Variants in DLG2 observed in about 807,000 individuals in gnomAD.
DLG2 encodes the protein discs large MAGUK scaffold protein 2.
A neutral mutation model predicts 132.5 loss-of-function variants in DLG2; 45 were observed. The observed-to-expected ratio is 0.34, with a 90% CI of 0.27 to 0.44. The LOEUF (loss-of-function observed/expected upper bound fraction) is 0.44, where lower values mean the gene tolerates loss of function less well. Among genes scored for constraint, DLG2 ranks in the 20% least tolerant of loss-of-function variants. The probability of loss-of-function intolerance (pLI) is 1.00; values close to 1 mark genes in which losing one functional copy is unlikely to be tolerated. For missense variants in DLG2, 1,045 were observed against 1,196.9 expected (o/e 0.87, Z 1.87); for synonymous variants, 424 against 419.6 (o/e 1.01, Z -0.13).
At chr11:84,625,990 C>T (rs1229326883) in intron 6 of DLG2, among the ~76,000 whole-genome samples, 1 of 152,210 alleles carries the variant, frequency 6.6e-6, no homozygotes, top group East Asian at 1.9e-4. Context: ...TTTTCTTTGT[C>T]TTTGTCACCA....
chr11:84,687,055 T>G (rs1331606016), intron 6 of DLG2: 1 of 152,070 alleles, frequency 6.6e-6, no homozygotes, highest in Non-Finnish European at 1.5e-5. Context: ...CTTTCATGGA[T>G]TATGCAACTT....
intron 19 of DLG2, among the ~76,000 whole-genome samples, chr11:83,577,850 A>G (rs1260717993): frequency 1.6e-5 from 2 of 123,914 alleles, no homozygotes; most frequent in African/African-American, 6.2e-5. Flanking sequence ...ATAATTATAA[A>G]TATATAATTA....
chr11:85,332,098 C>T (rs2081798211), intron 3 of DLG2, among the ~76,000 whole-genome samples: 1 of 152,154 alleles, frequency 6.6e-6, no homozygotes, highest in African/African-American at 2.4e-5. Flanking sequence ...TATAAGAATT[C>T]CCTTTCCTCT....
intron 7 of DLG2, among the ~76,000 whole-genome samples, chr11:84,438,007 T>A (rs2099006132): frequency 6.6e-6 from 1 of 152,124 alleles, no homozygotes; most frequent in Non-Finnish European, 1.5e-5. Context: ...GGAAGAGAGC[T>A]GCCAGGCAAG....
chr11:83,592,024 T>A, intron 19 of DLG2, among the ~76,000 whole-genome samples: 1 of 147,686 alleles, frequency 6.8e-6, no homozygotes, highest in Non-Finnish European at 1.5e-5. Flanking sequence ...CATTCCATGC[T>A]CATGGGTAGG....
chr11:83,580,549 A>T (rs1260445579), intron 19 of DLG2, among the ~76,000 whole-genome samples: 1 of 152,190 alleles, frequency 6.6e-6, no homozygotes. Flanking sequence ...AGGGCTGTCC[A>T]TAAAAGAGTT....
intron 7 of DLG2, among the ~76,000 whole-genome samples, chr11:84,286,896 A>T (rs1383361649): frequency 6.6e-6 from 1 of 152,168 alleles, no homozygotes; most frequent in Non-Finnish European, 1.5e-5. Context: ...AGCAGAGAGG[A>T]TAGTTAAGCG....
chr11:85,376,654 T>C (rs370179257), intron 3 of DLG2, among the ~76,000 whole-genome samples: 3 of 152,210 alleles, frequency 2.0e-5, no homozygotes, highest in East Asian at 1.9e-4. Flanking sequence ...TAAATGTTAA[T>C]GTTATTCCCT....
chr11:85,482,628 C>T (rs1283271931), intron 3 of DLG2, among the ~76,000 whole-genome samples: 1 of 152,132 alleles, frequency 6.6e-6, no homozygotes, highest in Admixed American at 6.5e-5. Flanking sequence ...AGGCTCCAGA[C>T]CCAAAGATCC....
At chr11:85,043,050 C>T (rs1222936383) in intron 6 of DLG2, among the ~76,000 whole-genome samples, 1 of 151,764 alleles carries the variant, frequency 6.6e-6, no homozygotes, top group Non-Finnish European at 1.5e-5. Context: ...CATCGTCAGC[C>T]TTTGCTATCT....
chr11:84,813,178 A>T (rs1174810587), intron 6 of DLG2, among the ~76,000 whole-genome samples: 2 of 151,336 alleles, frequency 1.3e-5, no homozygotes, highest in South Asian at 2.1e-4. Flanking sequence ...AAATACATAC[A>T]CACACACACA....
At chr11:85,210,838 C>T (rs1159830731) in intron 4 of DLG2, among the ~76,000 whole-genome samples, 1 of 152,128 alleles carries the variant, frequency 6.6e-6, no homozygotes, top group East Asian at 1.9e-4. Flanking sequence ...GATTCTTCTT[C>T]CCTAAACCTT....
In DLG2 at chr11:85,498,651, T is replaced by C. The variant is rs962705762; in HGVS notation, c.40+100006A>G. Reference sequence around the variant, plus strand: ...CATTCTTCTCAGCACCACATCGCACTTATTCTAAAATTGACCACATAATTG... The same window carrying C: ...CATTCTTCTCAGCACCACATCGCACCTATTCTAAAATTGACCACATAATTG... On this transcript the variant is annotated intron_variant, in intron 3 of 27. Coordinates refer to ENST00000376104, the MANE Select transcript of DLG2 (RefSeq NM_001142699.3). Among the ~76,000 whole-genome samples the C allele has an allele frequency of 5.9e-5, 9 of 152,228 alleles. 1 individual carries two copies. The highest frequency in any genetic ancestry group is 2.2e-4 in the African/African-American group (9 of 41,518).
At position 83,552,701 on chromosome 11, in the gene DLG2, T is replaced by C. The variant is rs1207043533; in HGVS notation, c.1941-10843A>G. Among the ~76,000 whole-genome samples, 110 of 152,274 alleles carry C rather than the reference T, an allele frequency of 7.2e-4. 2 individuals carry two copies. Among genetic ancestry groups the C allele is most frequent in the Non-Finnish European group, 2.9e-4 (20 of 68,016 alleles). On this transcript the variant is annotated intron_variant, in intron 19 of 27. Coordinates refer to ENST00000376104, the MANE Select transcript of DLG2 (RefSeq NM_001142699.3). Reference sequence around the variant, plus strand: ...AGCCTCTCCCCCTTCCTAAGTCTCATTGGAAACATGCACATGAGCTGGACC... The same window carrying C: ...AGCCTCTCCCCCTTCCTAAGTCTCACTGGAAACATGCACATGAGCTGGACC...
At chr11:84,746,251 GAAAA>G (rs369130410) in intron 6 of DLG2, among the ~76,000 whole-genome samples, 3 of 91,002 alleles carry the variant, frequency 3.3e-5, no homozygotes, top group Non-Finnish European at 7.2e-5. Flanking sequence ...GATATGAAAA[GAAAA>G]AAAAAAAAAA....
intron 19 of DLG2, among the ~76,000 whole-genome samples, chr11:83,623,585 C>T (rs972763983): frequency 1.3e-5 from 2 of 152,320 alleles, no homozygotes; most frequent in Admixed American, 1.3e-4. Context: ...GTGTGGTCCA[C>T]AGGAAAACAG....
At chr11:84,132,755 ATAGC>A (rs2154219372) in intron 9 of DLG2, among the ~76,000 whole-genome samples, 1 of 152,126 alleles carries the variant, frequency 6.6e-6, no homozygotes, top group East Asian at 1.9e-4. Flanking sequence ...ATAACAGGGG[ATAGC>A]TAATTTGAAT....
intron 9 of DLG2, among the ~76,000 whole-genome samples, chr11:84,134,767 T>C (rs2094541991): frequency 6.6e-6 from 1 of 152,000 alleles, no homozygotes; most frequent in Non-Finnish European, 1.5e-5. Context: ...ACTGTTTTTA[T>C]GTTTGTACAA....
intron 16 of DLG2, among the ~76,000 whole-genome samples, chr11:83,837,015 C>T (rs964878018): frequency 4.6e-5 from 7 of 152,094 alleles, no homozygotes; most frequent in African/African-American, 1.2e-4. Context: ...TAACACCAAT[C>T]GGGGAGAGAA....
Sources: gnomAD v4.1 joint callset for allele counts (sites outside exome capture counted in the v4.1 genomes callset) on GRCh38, gnomAD v4.1.1 for gene constraint, MANE v1.5 for transcripts, NCBI Gene and HGNC (gene_info 2026-07-23, HGNC 2026-07-21) for gene names.